COG6: variants seen among roughly 807,000 people sequenced by gnomAD.
COG6 encodes the protein component of oligomeric golgi complex 6.
In COG6, 74 loss-of-function variants were observed where a neutral mutation model predicts 88.8. That is an observed-to-expected ratio of 0.83 (90% CI 0.69 to 1.01). COG6 has a LOEUF of 1.01. COG6 is among the 50% of genes least tolerant of loss of function. The probability of loss-of-function intolerance (pLI) is 0.00; values close to 1 mark genes in which losing one functional copy is unlikely to be tolerated. For missense variants in COG6, 800 were observed against 797.9 expected (o/e 1.00, Z -0.03); for synonymous variants, 286 against 278.7 (o/e 1.03, Z -0.26).
chr13:39,664,381 ATTGT>A (rs1440947354), intron 3 of COG6, among the ~76,000 whole-genome samples: 1 of 152,074 alleles, frequency 6.6e-6, no homozygotes, highest in Admixed American at 6.5e-5. Flanking sequence ...TTCTCTTCTT[ATTGT>A]TTATTGCCTT....
intron 12 of COG6, among the ~76,000 whole-genome samples, chr13:39,698,868 C>T (rs1029592490): frequency 4.6e-5 from 7 of 151,562 alleles, no homozygotes; most frequent in African/African-American, 1.7e-4. Context: ...TAGATCTTGG[C>T]AAAAATGGGA....
At chr13:39,703,088 C>A (rs1054925008) in intron 13 of COG6, among the ~76,000 whole-genome samples, 7 of 152,080 alleles carry the variant, frequency 4.6e-5, no homozygotes, top group African/African-American at 1.7e-4. Flanking sequence ...ATCATACAGA[C>A]AGGAATCACT....
intron 18 of COG6, among the ~76,000 whole-genome samples, chr13:39,731,141 C>T (rs1298437773): frequency 2.0e-5 from 3 of 152,004 alleles, no homozygotes; most frequent in East Asian, 3.9e-4. Context: ...TTTTAAATTG[C>T]GCTCCTACTA....
rs377062062 is a variant in COG6, at chr13:39,719,656, G to A, written c.1417-4G>A. Reference sequence around the variant, plus strand: ...AAAGAGTTCATTTTATTTTTCATTTGTAGGTTTTATCATGTGTCTTGGATC... The same window carrying A: ...AAAGAGTTCATTTTATTTTTCATTTATAGGTTTTATCATGTGTCTTGGATC... On this transcript the variant is annotated splice_polypyrimidine_tract_variant and splice_region_variant and intron_variant, in intron 14 of 18. Coordinates refer to ENST00000455146, the MANE Select transcript of COG6 (RefSeq NM_020751.3). The A allele has an allele frequency of 2.5e-6, 4 of 1,610,324 alleles. No individual in the cohort carries two copies. In the African/African-American group the frequency reaches 5.4e-5, roughly 22 times the overall value.
chr13:39,780,841 G>T (rs1338737403), intron 18 of COG6, among the ~76,000 whole-genome samples: 1 of 152,194 alleles, frequency 6.6e-6, no homozygotes, highest in South Asian at 2.1e-4. Context: ...ACAAAAATCT[G>T]CACGAGGAAA....
chr13:39,690,125 A>G (rs557393041), intron 11 of COG6, among the ~76,000 whole-genome samples: 15 of 152,134 alleles, frequency 9.9e-5, no homozygotes, highest in African/African-American at 3.6e-4. Context: ...CAGCGAATCT[A>G]TGAACTCTTA....
At chr13:39,728,644 A>T (rs1448337136) in intron 18 of COG6, among the ~76,000 whole-genome samples, 1 of 151,860 alleles carries the variant, frequency 6.6e-6, no homozygotes, top group Non-Finnish European at 1.5e-5. Flanking sequence ...AGAAACTGTT[A>T]TGCTGTGACT....
At chr13:39,677,768 C>CA (rs1206345495) in intron 5 of COG6, among the ~76,000 whole-genome samples, 189 bp downstream of exon 5, 1 of 151,994 alleles carries the variant, frequency 6.6e-6, no homozygotes, top group Non-Finnish European at 1.5e-5. Context: ...TAAAAAGAGT[C>CA]AAAGTTATAA....
At chr13:39,665,251 TA>T (rs1014074187) in intron 4 of COG6, 97 bp downstream of exon 4, 1 of 729,660 alleles carries the variant, frequency 1.4e-6, no homozygotes, top group African/African-American at 1.8e-5. Flanking sequence ...AGCAGAATAA[TA>T]AAAAACATGG....
chr13:39,769,837 G>A (rs1454775340), intron 18 of COG6, among the ~76,000 whole-genome samples: 4 of 152,138 alleles, frequency 2.6e-5, no homozygotes, highest in African/African-American at 7.2e-5. Context: ...CTTCCACCAC[G>A]TGGAAGGTCC....
chr13:39,713,843 T>G (rs577698608), intron 13 of COG6, among the ~76,000 whole-genome samples: 3 of 152,332 alleles, frequency 2.0e-5, no homozygotes, highest in African/African-American at 7.2e-5. Context: ...TTTCTCCTCC[T>G]TAGATTTTCT....
At chr13:39,692,899 A>G (rs188215231) in intron 11 of COG6, among the ~76,000 whole-genome samples, 1 of 151,994 alleles carries the variant, frequency 6.6e-6, no homozygotes, top group Admixed American at 6.6e-5. Flanking sequence ...GCTGCTTTCC[A>G]GCTCTGCTAA....
intron 18 of COG6, among the ~76,000 whole-genome samples, chr13:39,740,842 TTTC>T (rs1440178727): frequency 6.6e-6 from 1 of 152,202 alleles, no homozygotes; most frequent in African/African-American, 2.4e-5. Flanking sequence ...ATTATCGTCT[TTTC>T]TTCTTGGGCT....
intron 15 of COG6, among the ~76,000 whole-genome samples, chr13:39,720,893 A>G (rs1333125853): frequency 6.6e-6 from 1 of 152,042 alleles, no homozygotes; most frequent in Non-Finnish European, 1.5e-5. Flanking sequence ...CTGGATAAGA[A>G]TATGGTCATA....
At chr13:39,719,945 C>T in intron 15 of COG6, 118 bp downstream of exon 15, 1 of 712,258 alleles carries the variant, frequency 1.4e-6, no homozygotes, top group Non-Finnish European at 2.4e-6. Flanking sequence ...CCCTTGATAT[C>T]ATCTGATGAA....
At chr13:39,709,081 C>T (rs1186457561) in intron 13 of COG6, among the ~76,000 whole-genome samples, 2 of 152,064 alleles carry the variant, frequency 1.3e-5, no homozygotes, top group African/African-American at 2.4e-5. Context: ...CTTTTCCAAT[C>T]ATTATGACTT....
At chr13:39,723,306 A>G in intron 15 of COG6, 27 bp from the exon 16 acceptor site, 3 of 1,419,710 alleles carry the variant, frequency 2.1e-6, no homozygotes, top group Non-Finnish European at 3.0e-6. Flanking sequence ...TCTTCTTTTA[A>G]AATGTTTTCT....
At chr13:39,787,243 A>G (rs1881801696) in intron 18 of COG6, among the ~76,000 whole-genome samples, 1 of 152,210 alleles carries the variant, frequency 6.6e-6, no homozygotes. Flanking sequence ...ATTTAGTTTC[A>G]GCAAAGTGTT....
Position 39,775,791 on chromosome 13 carries a change from C to T in COG6, c.1827-12544C>T, listed in dbSNP as rs1307957683. Among the ~76,000 whole-genome samples the T allele has an allele frequency of 7.6e-5, 11 of 145,104 alleles. No individual in the cohort carries two copies. In the South Asian group the frequency reaches 8.6e-4, roughly 11 times the overall value. ...TGAAATTTTTTTTTTTTTTTTGAGA[C>T]GGAGTTTTGCTCTTGTTGCCTAGGC... is the stretch of plus-strand genomic sequence containing the variant. On this transcript the variant is annotated intron_variant, in intron 18 of 18. Coordinates refer to the COG6 transcript ENST00000416691.
Sources: gnomAD v4.1 joint callset for allele counts (sites outside exome capture counted in the v4.1 genomes callset) on GRCh38, gnomAD v4.1.1 for gene constraint, MANE v1.5 for transcripts, NCBI Gene and HGNC (gene_info 2026-07-23, HGNC 2026-07-21) for gene names.